WWTR1: variants seen among roughly 807,000 people sequenced by gnomAD.
WWTR1 encodes the protein WW domain containing transcription regulator 1.
WWTR1 carries 13 observed loss-of-function variants against 40.1 expected under a neutral mutation model. That is an observed-to-expected ratio of 0.32 (90% CI 0.21 to 0.52). WWTR1 has a LOEUF of 0.52. WWTR1 is among the 20% of genes least tolerant of loss of function. The pLI, the probability that WWTR1 is intolerant of heterozygous loss-of-function variation, is 0.97. For synonymous variants in WWTR1, 230 were observed against 210.1 expected, an observed-to-expected ratio of 1.09 and a Z score of -0.82; for missense variants, 436 against 523.1, an observed-to-expected ratio of 0.83 and a Z score of 1.63.
chr3:149,662,222 C>T (rs4456804), upstream of WWTR1, among the ~76,000 whole-genome samples: 2 of 151,900 alleles, frequency 1.3e-5, no homozygotes, highest in Admixed American at 6.6e-5. Context: ...GGTTGTAACT[C>T]TAGAGCAGAG....
At chr3:149,724,256 C>G (rs2108240544) in intron 3 of WWTR1, 1 of 152,220 alleles carries the variant, frequency 6.6e-6, no homozygotes, top group Middle Eastern at 3.4e-3. Flanking sequence ...AATCCCTGTG[C>G]ACTCATCACA....
chr3:149,575,922 T>C (rs1054322638), intron 2 of WWTR1: 4 of 455,472 alleles, frequency 8.8e-6, no homozygotes, highest in East Asian at 6.9e-5. Context: ...GTCCCAGCAC[T>C]CCTGCAGTGC....
intron 1 of WWTR1, among the ~76,000 whole-genome samples, chr3:149,690,070 G>A (rs180761519): frequency 2.0e-5 from 3 of 152,042 alleles, no homozygotes; most frequent in South Asian, 2.1e-4. Context: ...TTTAAATAAC[G>A]GGTTATAAGA....
At chr3:149,688,570 G>C (rs1326445989) in intron 1 of WWTR1, among the ~76,000 whole-genome samples, 1 of 152,218 alleles carries the variant, frequency 6.6e-6, no homozygotes. Context: ...GCATTACTGG[G>C]ATTGGGGTGC....
upstream of WWTR1, among the ~76,000 whole-genome samples, chr3:149,707,891 A>ATGGTATGGTCATACCAAT (rs1715370690): frequency 6.7e-6 from 1 of 149,254 alleles, no homozygotes; most frequent in African/African-American, 2.5e-5. Flanking sequence ...GGCCAACAGT[A>ATGGTATGGTCATACCAAT]TGGTATGGTC....
At chr3:149,692,670 G>C (rs6784054) in intron 1 of WWTR1, among the ~76,000 whole-genome samples, 1 of 151,974 alleles carries the variant, frequency 6.6e-6, no homozygotes, top group Non-Finnish European at 1.5e-5. Flanking sequence ...TTTCATTCTT[G>C]TCGCCCAGGC....
chr3:149,707,618 C>T (rs1715364980), upstream of WWTR1, among the ~76,000 whole-genome samples: 1 of 152,106 alleles, frequency 6.6e-6, no homozygotes, highest in Non-Finnish European at 1.5e-5. Context: ...CTCTGAGGGC[C>T]TCTGATATAT....
intron 5 of WWTR1, among the ~76,000 whole-genome samples, chr3:149,711,649 C>A (rs1191185691): frequency 1.3e-5 from 2 of 152,188 alleles, no homozygotes; most frequent in African/African-American, 4.8e-5. Flanking sequence ...CAAAGGCCAA[C>A]TTTAATAATC....
chr3:149,681,946 T>C (rs1714469549), intron 1 of WWTR1, among the ~76,000 whole-genome samples: 1 of 152,138 alleles, frequency 6.6e-6, no homozygotes, highest in Non-Finnish European at 1.5e-5. Flanking sequence ...GATGAATAAG[T>C]TCTAGAAAGC....
chr3:149,676,648 A>T (rs1714269130), intron 1 of WWTR1, among the ~76,000 whole-genome samples: 1 of 152,114 alleles, frequency 6.6e-6, no homozygotes, highest in Non-Finnish European at 1.5e-5. Flanking sequence ...GATTAGAGAG[A>T]CTAAGTAATT....
At chr3:149,705,297 G>A (rs962282040), upstream of WWTR1, among the ~76,000 whole-genome samples, 2 of 152,034 alleles carry the variant, frequency 1.3e-5, no homozygotes, top group African/African-American at 4.8e-5. Context: ...GATTGATAGC[G>A]CCCCCAAAAT....
chr3:149,577,318 G>A (rs571253850), intron 2 of WWTR1, among the ~76,000 whole-genome samples: 57 of 152,108 alleles, frequency 3.7e-4, no homozygotes, highest in Non-Finnish European at 6.3e-4. Flanking sequence ...GGGAAGAAAA[G>A]CTTTTCTTGA....
chr3:149,644,563 CCAT>C (rs1189893286), intron 2 of WWTR1, among the ~76,000 whole-genome samples: 1 of 152,144 alleles, frequency 6.6e-6, no homozygotes, highest in Non-Finnish European at 1.5e-5. Context: ...CTGAGACATC[CCAT>C]CAGGCATTGC....
At chr3:149,696,189 T>A (rs1249379463) in intron 1 of WWTR1, among the ~76,000 whole-genome samples, 1 of 149,906 alleles carries the variant, frequency 6.7e-6, no homozygotes, top group East Asian at 1.9e-4. Flanking sequence ...AGTGAAGAGA[T>A]TTGGGCTTTG....
intron 2 of WWTR1, among the ~76,000 whole-genome samples, chr3:149,666,207 A>G (rs1713812573): frequency 6.9e-6 from 1 of 144,570 alleles, no homozygotes; most frequent in South Asian, 2.1e-4. Context: ...GGGCTCTACT[A>G]TTATCTCTCT....
At chr3:149,532,176 G>C (rs759375713) in intron 4 of WWTR1, among the ~76,000 whole-genome samples, 2 of 152,052 alleles carry the variant, frequency 1.3e-5, no homozygotes, top group Non-Finnish European at 2.9e-5. Context: ...TGATAAAACG[G>C]GATAACACTA....
chr3:149,597,031 A>G (rs575441447), intron 2 of WWTR1, among the ~76,000 whole-genome samples: 1 of 152,334 alleles, frequency 6.6e-6, no homozygotes, highest in African/African-American at 2.4e-5. Flanking sequence ...GATCTACTCC[A>G]TAAAGTTACC....
chr3:149,569,621 T>C (rs1443225552), intron 3 of WWTR1, among the ~76,000 whole-genome samples: 1 of 152,234 alleles, frequency 6.6e-6, no homozygotes, highest in East Asian at 1.9e-4. Flanking sequence ...ATCACGGCTC[T>C]AGAAATAAAT....
At chr3:149,607,811 A>G (rs767455583) in intron 2 of WWTR1, among the ~76,000 whole-genome samples, 42 of 152,230 alleles carry the variant, frequency 2.8e-4, no homozygotes, top group Admixed American at 7.2e-4. Context: ...TGACTGTAAA[A>G]TTTCCTCTGG....
Sources: gnomAD v4.1 joint callset for allele counts (sites outside exome capture counted in the v4.1 genomes callset) on GRCh38, gnomAD v4.1.1 for gene constraint, MANE v1.5 for transcripts, NCBI Gene and HGNC (gene_info 2026-07-23, HGNC 2026-07-21) for gene names.